Variants in PCDH10 observed in about 807,000 individuals in gnomAD.
PCDH10 encodes the protein protocadherin-10.
A neutral mutation model predicts 74.4 loss-of-function variants in PCDH10; 15 were observed. That is an observed-to-expected ratio of 0.20 (90% CI 0.13 to 0.31). PCDH10 has a LOEUF of 0.31. PCDH10 is among the 10% of genes least tolerant of loss of function. PCDH10 has a pLI of 1.00. For missense variants in PCDH10, 1,260 were observed against 1,390.2 expected, an observed-to-expected ratio of 0.91 and a Z score of 1.49; for synonymous variants, 619 against 589.8, an observed-to-expected ratio of 1.05 and a Z score of -0.72.
chr4:133,183,688 A>T (rs1314747577), intron 4 of PCDH10, among the ~76,000 whole-genome samples: 1 of 152,154 alleles, frequency 6.6e-6, no homozygotes, highest in Non-Finnish European at 1.5e-5. Flanking sequence ...AAGTAAATTT[A>T]TTCATTGCAC....
chr4:133,202,704 C>T (rs919168890), intron 2 of PCDH10, among the ~76,000 whole-genome samples: 2 of 152,072 alleles, frequency 1.3e-5, no homozygotes, highest in African/African-American at 4.8e-5. Context: ...AACTGACTGT[C>T]TTATGTTTGG....
At position 133,163,030 on chromosome 4, in the gene PCDH10, G is replaced by C; in HGVS notation, c.2851G>C (p.Asp951His). The C allele has an allele frequency of 6.2e-7, 1 of 1,614,168 alleles. No homozygotes were observed. Among genetic ancestry groups the C allele is most frequent in the Non-Finnish European group, 8.5e-7 (1 of 1,180,024 alleles). ...TEECKALGHS[D>H]RCWMPSFVPS... The stretch of plus-strand genomic sequence containing the variant: ...GGAATGTAAAGCTCTGGGCCACTCA[G>C]ATCGGTGCTGGATGCCTTCTTTTGT... Residue 951 changes from aspartate to histidine, a missense_variant, in exon 4 of 5, where the codon GAT becomes CAT. Asp to His is a moderately conservative substitution (Grantham distance 81). Transcript: ENST00000264360.
intron 4 of PCDH10, among the ~76,000 whole-genome samples, chr4:133,184,696 A>G (rs1727495829): frequency 6.9e-6 from 1 of 145,686 alleles, no homozygotes; most frequent in Admixed American, 7.0e-5. Flanking sequence ...ATATTTATAT[A>G]AAATATATAT....
At chr4:133,194,809 A>C (rs551742328), downstream of PCDH10, 1 of 151,994 alleles carries the variant, frequency 6.6e-6, no homozygotes, top group Non-Finnish European at 1.5e-5. Context: ...AAAGGATTTC[A>C]TTATATTTAT....
chr4:133,183,359 A>T (rs1727460857), intron 4 of PCDH10, among the ~76,000 whole-genome samples: 1 of 152,068 alleles, frequency 6.6e-6, no homozygotes, highest in African/African-American at 2.4e-5. Flanking sequence ...ACATACATGC[A>T]TGCACACACA....
chr4:133,153,852 A>G (rs1726801491), intron 1 of PCDH10: 1 of 157,028 alleles, frequency 6.4e-6, no homozygotes, highest in African/African-American at 2.4e-5. Flanking sequence ...GCACATTTTG[A>G]AAATAAACAA....
At chr4:133,208,379 T>A (rs1184624391) in exon 3 of PCDH10, 1 of 152,236 alleles carries the variant, frequency 6.6e-6, no homozygotes, top group African/African-American at 2.4e-5. Flanking sequence ...TAGGTGAGAA[T>A]CCTATTGTCT....
intron 4 of PCDH10, among the ~76,000 whole-genome samples, chr4:133,170,205 T>A (rs1165434506): frequency 1.3e-5 from 2 of 152,144 alleles, no homozygotes; most frequent in African/African-American, 2.4e-5. Context: ...TTTATGATTC[T>A]ATAACTCGTA....
chr4:133,170,881 A>G (rs1400898867), intron 4 of PCDH10, among the ~76,000 whole-genome samples: 1 of 150,678 alleles, frequency 6.6e-6, no homozygotes, highest in Non-Finnish European at 1.5e-5. Context: ...TTTAGTAGAG[A>G]CGAGGTGTCA....
chr4:133,180,756 T>C (rs1560713136), intron 4 of PCDH10, among the ~76,000 whole-genome samples: 2 of 151,984 alleles, frequency 1.3e-5, no homozygotes, highest in Non-Finnish European at 2.9e-5. Flanking sequence ...ATTAAATGTT[T>C]ATAATAATTA....
chr4:133,201,014 A>T (rs1727897797), intron 2 of PCDH10, among the ~76,000 whole-genome samples: 1 of 152,328 alleles, frequency 6.6e-6, no homozygotes, highest in Non-Finnish European at 1.5e-5. Context: ...TTATGGATTT[A>T]TATTAAAATG....
intron 4 of PCDH10, among the ~76,000 whole-genome samples, chr4:133,177,756 T>C (rs1422978098): frequency 6.6e-6 from 1 of 152,164 alleles, no homozygotes; most frequent in Non-Finnish European, 1.5e-5. Context: ...CATAGTCACC[T>C]GCAATTAAGC....
In PCDH10 at chr4:133,151,285, T is replaced by C. The variant is rs1726681793; in HGVS notation, c.1145T>C (p.Val382Ala). 1 of 1,613,870 alleles carries C rather than the reference T, an allele frequency of 6.2e-7. No homozygotes were observed. Among genetic ancestry groups the C allele is most frequent in the South Asian group, 1.1e-5 (1 of 91,074 alleles). ...GGCACTGTGGTGGCCCTTTTCAGCG[T>C]GACTGACCGCGACTCAGAGGAGAAT... ...APGTVVALFS[V>A]TDRDSEENGQ... Residue 382 changes from valine to alanine, a missense_variant, in exon 1 of 5, where the codon GTG becomes GCG. By Grantham distance (64) the Val-to-Ala change is moderately conservative (BLOSUM62 0). Transcript: ENST00000264360.
Position 133,151,484 on chromosome 4 carries a change from G to A in PCDH10, c.1344G>A (p.Ser448=). 1 of 1,614,046 alleles carries A rather than the reference G, an allele frequency of 6.2e-7. No homozygotes were observed. Among genetic ancestry groups the A allele is most frequent in the African/African-American group, 1.3e-5 (1 of 75,052 alleles). Residue 448 remains serine, a synonymous_variant, in exon 1 of 5, where the codon TCG becomes TCA. Coordinates refer to ENST00000264360, the MANE Select transcript of PCDH10 (RefSeq NM_032961.3). ...RGEPALSTSK[S]IQVQVSDVND... ...AGCCTGCGCTCTCCACCAGTAAGTC[G>A]ATCCAGGTACAAGTGTCGGATGTGA...
At chr4:133,188,677 T>G (rs920402230) in intron 4 of PCDH10, among the ~76,000 whole-genome samples, 4 of 141,044 alleles carry the variant, frequency 2.8e-5, no homozygotes, top group African/African-American at 5.3e-5. Context: ...TTTTTTTTTT[T>G]TTTTTTTTTT....
downstream of PCDH10, among the ~76,000 whole-genome samples, chr4:133,198,442 A>T (rs1025762946): frequency 5.9e-5 from 9 of 152,238 alleles, no homozygotes; most frequent in African/African-American, 2.2e-4. Flanking sequence ...GTGGTACAAT[A>T]GTCCTTAAGC....
At chr4:133,202,784 A>C (rs1282846792) in intron 2 of PCDH10, among the ~76,000 whole-genome samples, 1 of 152,146 alleles carries the variant, frequency 6.6e-6, no homozygotes, top group Non-Finnish European at 1.5e-5. Context: ...AAAGCAGTAA[A>C]GGTCCATTGA....
In PCDH10 at chr4:133,163,257, A is replaced by G; in HGVS notation, c.3078A>G (p.Arg1026=). The change falls in exon 4 of 5, where the codon CGA becomes CGG. Residue 1026 remains arginine (R), a synonymous_variant. Coordinates refer to ENST00000264360, the MANE Select transcript of PCDH10 (RefSeq NM_032961.3). Reference sequence around the variant, plus strand: ...TGGATGGACTGCTGACTAATACGCGAGCGCCTTACAAACCACCATATTTGA... The same window carrying G: ...TGGATGGACTGCTGACTAATACGCGGGCGCCTTACAAACCACCATATTTGA... ...KELDGLLTNT[R]APYKPPYLTR... is the part of the protein sequence containing the mutation. The G allele has an allele frequency of 1.2e-6, 2 of 1,613,036 alleles. No homozygotes were observed. The highest frequency in any genetic ancestry group is 2.7e-5 in the African/African-American group (2 of 74,948).
At chr4:133,175,594 G>T (rs768841069) in intron 4 of PCDH10, among the ~76,000 whole-genome samples, 16 of 152,058 alleles carry the variant, frequency 1.1e-4, no homozygotes, top group Non-Finnish European at 1.6e-4. Context: ...TTAAGAGATC[G>T]CCATAGGAAA....
Sources: gnomAD v4.1 joint callset for allele counts (sites outside exome capture counted in the v4.1 genomes callset) on GRCh38, gnomAD v4.1.1 for gene constraint, MANE v1.5 for transcripts, NCBI Gene and HGNC (gene_info 2026-07-23, HGNC 2026-07-21) for gene names.